GXYLT2: variants seen among roughly 807,000 people sequenced by gnomAD.
GXYLT2 encodes glucoside xylosyltransferase 2.
A neutral mutation model predicts 45.8 loss-of-function variants in GXYLT2; 53 were observed. The ratio of observed to expected loss-of-function variants is 1.16; its 90% confidence interval spans 0.93 to 1.46. GXYLT2 has a LOEUF of 1.46. Among genes scored for constraint, GXYLT2 ranks in the 40% most tolerant of loss-of-function variants. GXYLT2 has a pLI of 0.00. For synonymous variants in GXYLT2, 219 were observed against 214.2 expected (o/e 1.02, Z -0.19); for missense variants, 551 against 544.4 (o/e 1.01, Z -0.12).
At chr3:72,955,441 A>G (rs1024283667) in intron 4 of GXYLT2, 92 bp downstream of exon 4, 26 of 1,274,302 alleles carry the variant, frequency 2.0e-5, no homozygotes, top group Non-Finnish European at 2.8e-5. Flanking sequence ...CTGATTTTGG[A>G]AATTGGGTGG....
At chr3:72,970,274 C>T (rs1191402698) in intron 6 of GXYLT2, among the ~76,000 whole-genome samples, 1 of 151,846 alleles carries the variant, frequency 6.6e-6, no homozygotes, top group African/African-American at 2.4e-5. Context: ...TTGCTTGAAC[C>T]TGGGAGGCAG....
At chr3:72,918,735 C>T (rs1041080373) in intron 2 of GXYLT2, among the ~76,000 whole-genome samples, 3 of 151,792 alleles carry the variant, frequency 2.0e-5, no homozygotes, top group Non-Finnish European at 4.4e-5. Context: ...GGCTGAGGCA[C>T]AAGAATTGCT....
At chr3:72,906,142 C>T (rs1421251034) in intron 1 of GXYLT2, among the ~76,000 whole-genome samples, 30 of 152,184 alleles carry the variant, frequency 2.0e-4, no homozygotes, top group Admixed American at 2.0e-3. Context: ...TCTCCACATC[C>T]CTTTACATGT....
At chr3:72,946,864 C>T (rs1293969118) in intron 3 of GXYLT2, among the ~76,000 whole-genome samples, 15 of 152,084 alleles carry the variant, frequency 9.9e-5, no homozygotes, top group Admixed American at 9.8e-4. Flanking sequence ...CCATCTGTTG[C>T]CTAGGCCTCT....
chr3:72,942,631 T>A (rs1052035560), intron 3 of GXYLT2, among the ~76,000 whole-genome samples: 1 of 152,152 alleles, frequency 6.6e-6, no homozygotes, highest in Non-Finnish European at 1.5e-5. Context: ...CAGGCGTGTT[T>A]CACCTCTGTT....
At chr3:72,945,681 T>A (rs1241147544) in intron 3 of GXYLT2, among the ~76,000 whole-genome samples, 1 of 152,138 alleles carries the variant, frequency 6.6e-6, no homozygotes, top group African/African-American at 2.4e-5. Context: ...TGCCTGGCAT[T>A]TGGGAAGCAT....
chr3:72,975,052 T>G lies in GXYLT2; in HGVS notation c.1225T>G (p.Leu409Val), dbSNP rs777491605. 35 of 1,613,420 alleles carry G rather than the reference T, an allele frequency of 2.2e-5. No homozygotes were observed. Among genetic ancestry groups the G allele is most frequent in the Non-Finnish European group, 3.0e-5 (35 of 1,179,430 alleles). Residue 409 changes from leucine to valine, a missense_variant, in exon 7 of 7, where the codon TTA (leucine) becomes GTA (valine). By Grantham distance (32) the Leu-to-Val change is conservative (BLOSUM62 1). Transcript: ENST00000389617. ...QLKFLETVHT[L>V]CGRIPQVFLK... ...GAAGTTTTTGGAGACTGTGCACACT[T>G]TATGTGGACGAATCCCGCAAGTTTT...
chr3:72,937,246 C>T (rs1300477119), intron 3 of GXYLT2, among the ~76,000 whole-genome samples: 1 of 152,062 alleles, frequency 6.6e-6, no homozygotes, highest in Non-Finnish European at 1.5e-5. Context: ...ATATGCATTG[C>T]ATTTAGTAAA....
intron 2 of GXYLT2, among the ~76,000 whole-genome samples, chr3:72,912,013 A>ATTTTT (rs35108267): frequency 0.012 from 1,386 of 114,858 alleles, 69 homozygotes; most frequent in African/African-American, 0.051. Flanking sequence ...ATATATATAT[A>ATTTTT]TTTTTTTTTT....
intron 6 of GXYLT2, among the ~76,000 whole-genome samples, chr3:72,973,899 C>T (rs1381379175): frequency 6.6e-6 from 1 of 152,180 alleles, no homozygotes; most frequent in Non-Finnish European, 1.5e-5. Flanking sequence ...AGAGAACCTT[C>T]TTGCATTACA....
intron 1 of GXYLT2, among the ~76,000 whole-genome samples, chr3:72,889,091 G>A (rs547059761): frequency 6.6e-6 from 1 of 152,284 alleles, no homozygotes; most frequent in African/African-American, 2.4e-5. Context: ...TTTCAGGCTC[G>A]AGTGTGGTCA....
intron 2 of GXYLT2, among the ~76,000 whole-genome samples, chr3:72,919,938 T>G (rs1197891185): frequency 1.3e-5 from 2 of 152,054 alleles, no homozygotes; most frequent in Admixed American, 6.6e-5. Flanking sequence ...ACTGTGGACT[T>G]TAGTTAGTAA....
At chr3:72,969,626 C>T (rs564216286) in intron 6 of GXYLT2, among the ~76,000 whole-genome samples, 52 of 152,194 alleles carry the variant, frequency 3.4e-4, no homozygotes, top group African/African-American at 1.2e-3. Flanking sequence ...TCTGAGCCAT[C>T]GTGCCTGGCC....
At chr3:72,965,106 G>A (rs1296375089) in intron 5 of GXYLT2, among the ~76,000 whole-genome samples, 1 of 152,168 alleles carries the variant, frequency 6.6e-6, no homozygotes, top group Non-Finnish European at 1.5e-5. Flanking sequence ...ATGTGCAAAT[G>A]TTCAGGTAAA....
intron 2 of GXYLT2, among the ~76,000 whole-genome samples, chr3:72,915,789 C>T (rs545841714): frequency 2.7e-4 from 41 of 151,590 alleles, no homozygotes; most frequent in South Asian, 1.5e-3. Context: ...GCCAAGATCG[C>T]GCCACTGCAC....
intron 3 of GXYLT2, among the ~76,000 whole-genome samples, chr3:72,934,139 T>C (rs1710133094): frequency 6.7e-6 from 1 of 149,286 alleles, no homozygotes; most frequent in South Asian, 2.1e-4. Context: ...TAGAGTGTAG[T>C]GGTGTGATCA....
chr3:72,898,568 C>T (rs904552076), intron 1 of GXYLT2, among the ~76,000 whole-genome samples: 14 of 152,056 alleles, frequency 9.2e-5, no homozygotes, highest in African/African-American at 3.1e-4. Context: ...ATAACCTCTG[C>T]GAATGGCAGA....
Position 72,975,751 on chromosome 3 carries a change from T to G in GXYLT2, c.*592T>G, listed in dbSNP as rs1711088611. 6.6e-6 allele frequency: 1 copy of G among 152,164 alleles called. No homozygotes were observed. Among genetic ancestry groups the G allele is most frequent in the African/African-American group, 2.4e-5 (1 of 41,440 alleles). 9.4% of individuals were successfully genotyped at this position (152,164 alleles called of 1,614,324 possible). A position where few individuals can be genotyped will look rare whatever the true frequency, so the allele number is the denominator to read the frequency against. On this transcript the variant is annotated 3_prime_UTR_variant, in exon 7 of 7. Transcript: ENST00000389617. ...TAACACACATCTAAAACAGGTAATC[T>G]CAGTAAAAGCTGGCCTTTTTGCTGA...
chr3:72,897,018 A>C (rs1280626321), intron 1 of GXYLT2, among the ~76,000 whole-genome samples: 2 of 152,222 alleles, frequency 1.3e-5, no homozygotes, highest in Non-Finnish European at 2.9e-5. Flanking sequence ...TCATGTTAAT[A>C]GTAATAATGA....
Sources: allele counts gnomAD v4.1 joint callset (sites outside exome capture counted in the v4.1 genomes callset), GRCh38; gene constraint gnomAD v4.1.1; transcripts MANE v1.5; gene names NCBI Gene and HGNC (gene_info 2026-07-23, HGNC 2026-07-21).